Variants in STX8 observed in about 807,000 individuals in gnomAD.
STX8 encodes the protein syntaxin-8.
In STX8, 23 loss-of-function variants were observed where a neutral mutation model predicts 37.5. The observed-to-expected ratio is 0.61, with a 90% CI of 0.44 to 0.87. STX8 has a LOEUF of 0.87. STX8 is among the 40% of genes least tolerant of loss of function. The probability of loss-of-function intolerance (pLI) is 0.00; values close to 1 mark genes in which losing one functional copy is unlikely to be tolerated. For missense variants in STX8, 313 were observed against 284.7 expected, an observed-to-expected ratio of 1.10 and a Z score of -0.71; for synonymous variants, 115 against 99.1, an observed-to-expected ratio of 1.16 and a Z score of -0.95.
At chr17:9,267,798 G>A (rs1444825391) in intron 7 of STX8, among the ~76,000 whole-genome samples, 1 of 152,148 alleles carries the variant, frequency 6.6e-6, no homozygotes, top group African/African-American at 2.4e-5. Context: ...AGACCAGCAT[G>A]GCCAACATGG....
intron 7 of STX8, among the ~76,000 whole-genome samples, chr17:9,310,011 A>C (rs1235016034): frequency 6.6e-6 from 1 of 152,136 alleles, no homozygotes; most frequent in Non-Finnish European, 1.5e-5. Flanking sequence ...TTATTAGTCA[A>C]GTTGACTCTT....
At chr17:9,303,517 G>A (rs927019442) in intron 7 of STX8, among the ~76,000 whole-genome samples, 1 of 152,110 alleles carries the variant, frequency 6.6e-6, no homozygotes, top group Admixed American at 6.5e-5. Context: ...TAGAATTGGA[G>A]TTAGTTCATT....
Position 9,303,811 on chromosome 17 carries a change from A to C in STX8, c.644-53166T>G, listed in dbSNP as rs1271070410. 3.3e-5 allele frequency among the ~76,000 whole-genome samples: 5 copies of C among 152,150 alleles called. No individual in the cohort carries two copies. The South Asian group carries it at 1.0e-3, about 32-fold the overall frequency. On this transcript the variant is annotated intron_variant, in intron 7 of 7. Transcript: ENST00000306357. ...AAACTCCAAATGGATCAAAAACTTAAATGCAGCAAACAAAACCATTAAAGG... is the reference window on the plus strand; with the variant it reads ...AAACTCCAAATGGATCAAAAACTTACATGCAGCAAACAAAACCATTAAAGG...
intron 7 of STX8, among the ~76,000 whole-genome samples, chr17:9,269,341 C>T (rs1275433692): frequency 1.3e-5 from 2 of 152,172 alleles, no homozygotes; most frequent in East Asian, 3.8e-4. Flanking sequence ...GACGCTCCAG[C>T]GTAAGGGCTT....
chr17:9,352,147 G>A (rs1910727022), intron 7 of STX8, among the ~76,000 whole-genome samples: 1 of 145,538 alleles, frequency 6.9e-6, no homozygotes, highest in Non-Finnish European at 1.5e-5. Context: ...GCAAGATCCT[G>A]CCTAAAAAAA....
In STX8 at chr17:9,384,551, TG is replaced by T. The variant is rs565078738; in HGVS notation, c.542-5899del. On this transcript the variant is annotated intron_variant, in intron 6 of 7. Coordinates refer to ENST00000306357, the MANE Select transcript of STX8 (RefSeq NM_004853.3). ...TACTCGGGAGGCTGAGGCAGGAGAATGGCATGAACCCGGGAGGCGGAGCTTG... is the reference window on the plus strand; with the variant it reads ...TACTCGGGAGGCTGAGGCAGGAGAATGCATGAACCCGGGAGGCGGAGCTTG... Among the ~76,000 whole-genome samples the T allele has an allele frequency of 2.7e-3, 410 of 152,068 alleles. 3 individuals carry two copies. Among genetic ancestry groups the T allele is most frequent in the African/African-American group, 9.5e-3 (393 of 41,438 alleles).
chr17:9,313,219 G>A (rs1179916879), intron 7 of STX8, among the ~76,000 whole-genome samples: 1 of 151,948 alleles, frequency 6.6e-6, no homozygotes, highest in Non-Finnish European at 1.5e-5. Flanking sequence ...AAAATAAGAG[G>A]TCACTGTGAA....
At chr17:9,441,918 G>A (rs9914179) in intron 6 of STX8, among the ~76,000 whole-genome samples, 36,497 of 151,480 alleles carry the variant, frequency 0.24, 5,080 homozygotes, top group East Asian at 0.61. Context: ...CTCGTGATCC[G>A]CCCACCTCGG....
At chr17:9,477,333 A>G (rs1010241723) in intron 6 of STX8, among the ~76,000 whole-genome samples, 4 of 152,326 alleles carry the variant, frequency 2.6e-5, no homozygotes, top group African/African-American at 9.6e-5. Flanking sequence ...AATTCAGCCC[A>G]TAGCAGCATA....
At chr17:9,501,605 C>T (rs937608282) in intron 5 of STX8, among the ~76,000 whole-genome samples, 14 of 150,328 alleles carry the variant, frequency 9.3e-5, no homozygotes, top group African/African-American at 2.7e-4. Context: ...GCAGGAGAAT[C>T]GCTTGAACCT....
intron 7 of STX8, among the ~76,000 whole-genome samples, chr17:9,315,922 GA>G (rs1909367858): frequency 6.6e-6 from 1 of 151,926 alleles, no homozygotes; most frequent in African/African-American, 2.4e-5. Context: ...GCTGAGGCAG[GA>G]GAAAGGCTTG....
At chr17:9,310,421 T>C (rs1350311295) in intron 7 of STX8, among the ~76,000 whole-genome samples, 1 of 152,224 alleles carries the variant, frequency 6.6e-6, no homozygotes, top group East Asian at 1.9e-4. Flanking sequence ...TTCTTCCTTA[T>C]AAATAGACTA....
In STX8 at chr17:9,361,491, A is replaced by G. The variant is rs1911062542; in HGVS notation, c.643+17061T>C. 2.0e-5 allele frequency among the ~76,000 whole-genome samples: 3 copies of G among 152,202 alleles called. No homozygotes were observed. The South Asian group carries it at 6.2e-4, about 32-fold the overall frequency. On this transcript the variant is annotated intron_variant, in intron 7 of 7. Coordinates refer to ENST00000306357, the MANE Select transcript of STX8 (RefSeq NM_004853.3). ...GCTCTCTTCACATGGGTACCACCAT[A>G]ATGTATGCTCCAGGGTGAAGAGCAG...
intron 7 of STX8, among the ~76,000 whole-genome samples, chr17:9,352,074 CTGGAAGA>C (rs1193340769): frequency 4.0e-5 from 6 of 151,128 alleles, no homozygotes; most frequent in African/African-American, 1.5e-4. Flanking sequence ...TTGTTTGAGC[CTGGAAGA>C]TGGAGGGCTT....
intron 4 of STX8, among the ~76,000 whole-genome samples, chr17:9,534,953 T>C (rs972392308): frequency 8.5e-5 from 13 of 152,234 alleles, no homozygotes; most frequent in Admixed American, 6.5e-4. Context: ...AAAATACATA[T>C]GGGAACGTAT....
At chr17:9,298,760 C>G (rs192639274) in intron 7 of STX8, among the ~76,000 whole-genome samples, 1 of 152,040 alleles carries the variant, frequency 6.6e-6, no homozygotes, top group African/African-American at 2.4e-5. Flanking sequence ...TGCAGTGAGC[C>G]GAGATCACGC....
intron 6 of STX8, among the ~76,000 whole-genome samples, chr17:9,402,989 T>C (rs1159333045): frequency 6.6e-6 from 1 of 152,172 alleles, no homozygotes; most frequent in African/African-American, 2.4e-5. Flanking sequence ...GGTGACTGCC[T>C]CGCCACAGCC....
chr17:9,287,862 T>C (rs1908135536), intron 7 of STX8, among the ~76,000 whole-genome samples: 1 of 152,016 alleles, frequency 6.6e-6, no homozygotes, highest in Non-Finnish European at 1.5e-5. Flanking sequence ...GTGACTGTCC[T>C]GCCTCAGCCT....
At chr17:9,550,543 G>A (rs1006668133) in intron 3 of STX8, among the ~76,000 whole-genome samples, 4 of 151,610 alleles carry the variant, frequency 2.6e-5, no homozygotes, top group Admixed American at 6.6e-5. Context: ...CACTGCACTC[G>A]AGCCTGGGTG....
Sources: allele counts gnomAD v4.1 joint callset (sites outside exome capture counted in the v4.1 genomes callset), GRCh38; gene constraint gnomAD v4.1.1; transcripts MANE v1.5; gene names NCBI Gene and HGNC (gene_info 2026-07-23, HGNC 2026-07-21).